The following USPL1 variants were observed in gnomAD, a reference collection of about 807,000 sequenced individuals.
USPL1 encodes the protein SUMO-specific isopeptidase USPL1.
Under a neutral mutation model 51.5 loss-of-function variants are expected in USPL1, and 27 were observed. The ratio of observed to expected loss-of-function variants is 0.52; its 90% CI spans 0.39 to 0.72. The LOEUF (loss-of-function observed/expected upper bound fraction) is 0.72, where lower values mean the gene tolerates loss of function less well. Among genes scored for constraint, USPL1 ranks in the 30% least tolerant of loss-of-function variants. The pLI, the probability that USPL1 is intolerant of heterozygous loss-of-function variation, is 0.00. For synonymous variants in USPL1, 451 were observed against 459.6 expected (o/e 0.98, Z 0.24); for missense variants, 1,226 against 1,268.0 (o/e 0.97, Z 0.50).
intron 8 of USPL1, among the ~76,000 whole-genome samples, chr13:30,656,453 C>A (rs889595745): frequency 6.6e-6 from 1 of 152,168 alleles, no homozygotes; most frequent in Non-Finnish European, 1.5e-5. Context: ...GAAGTGGAAT[C>A]GTACATTATT....
At chr13:30,621,024 A>T in intron 1 of USPL1, 49 bp from the exon 2 acceptor site, 1 of 785,444 alleles carries the variant, frequency 1.3e-6, no homozygotes, top group Non-Finnish European at 2.0e-6. Flanking sequence ...GTTCTTTTTT[A>T]TAGTAAATAG....
intron 3 of USPL1, among the ~76,000 whole-genome samples, chr13:30,624,451 CA>C (rs35898880): frequency 0.015 from 2,143 of 146,244 alleles, 32 homozygotes; most frequent in Middle Eastern, 0.045. Context: ...CTTGTCTCTA[CA>C]AAAAAAAAAA....
At chr13:30,653,574 TTAC>T (rs1452670400) in intron 8 of USPL1, among the ~76,000 whole-genome samples, 4 of 152,194 alleles carry the variant, frequency 2.6e-5, no homozygotes, top group Non-Finnish European at 4.4e-5. Context: ...AAGGATGAGA[TTAC>T]TACTGTTAGC....
chr13:30,626,481 C>G (rs1020810070), intron 3 of USPL1, among the ~76,000 whole-genome samples: 1 of 152,112 alleles, frequency 6.6e-6, no homozygotes, highest in African/African-American at 2.4e-5. Flanking sequence ...CTTTTGCATA[C>G]AACAACAGAG....
intron 2 of USPL1, 32 bp downstream of exon 2, chr13:30,621,271 AG>A: frequency 6.7e-7 from 1 of 1,482,408 alleles, no homozygotes; most frequent in Non-Finnish European, 9.1e-7. Context: ...CTGAGTGCAA[AG>A]TTTTTTTTTT....
rs147328341 is a variant in USPL1, at chr13:30,653,845, A to G, written c.1396+540A>G. On this transcript the variant is annotated intron_variant, in intron 8 of 8. Coordinates refer to ENST00000255304, the MANE Select transcript of USPL1 (RefSeq NM_005800.5). ...AAATATTGAGTTTGTTTTTCTCATA[A>G]TGTTCACTTTGTCTTAGACAAGATA... Among the ~76,000 whole-genome samples, 13 of 152,314 alleles carry G rather than the reference A, an allele frequency of 8.5e-5. No individual in the cohort carries two copies. The East Asian group carries it at 1.5e-3, about 18-fold the overall frequency.
chr13:30,649,868 T>C (rs1005502039), intron 7 of USPL1, among the ~76,000 whole-genome samples: 3 of 152,244 alleles, frequency 2.0e-5, no homozygotes, highest in African/African-American at 7.2e-5. Context: ...CTTAGCCTGA[T>C]GTCTCTTGTT....
intron 4 of USPL1, among the ~76,000 whole-genome samples, chr13:30,632,720 CTT>C (rs1339734667): frequency 2.0e-5 from 3 of 151,948 alleles, no homozygotes; most frequent in Non-Finnish European, 2.9e-5. Context: ...CCTAGGCAGT[CTT>C]TTTCAAAACT....
intron 3 of USPL1, among the ~76,000 whole-genome samples, chr13:30,622,254 C>A (rs1307298820): frequency 6.6e-6 from 1 of 151,816 alleles, no homozygotes; most frequent in Non-Finnish European, 1.5e-5. Context: ...TCTAATGTAC[C>A]TGGAAGAGTA....
intron 4 of USPL1, among the ~76,000 whole-genome samples, chr13:30,632,043 G>A (rs1950813888): frequency 6.6e-6 from 1 of 151,692 alleles, no homozygotes; most frequent in South Asian, 2.1e-4. Flanking sequence ...GTATACGTGT[G>A]CCATGGTGGT....
In USPL1 at chr13:30,659,205, C is replaced by T. The variant is rs2137741099; in HGVS notation, c.3128C>T (p.Thr1043Ile). ...TGTGAAGTTCAGCCAGACTCTCTGA[C>T]AAATAATGCCTGCGTTAGAACATTA... ...NPCEVQPDSL[T>I]NNACVRTLNL... The change falls in exon 9 of 9, where the codon ACA (threonine) becomes ATA (isoleucine). Residue 1043 changes from threonine (T) to isoleucine (I), a missense_variant. Physicochemically the swap from Thr to Ile is moderately conservative, Grantham distance 89. Transcript: ENST00000255304. The T allele has an allele frequency of 1.2e-6, 2 of 1,614,118 alleles. No homozygotes were observed. Among genetic ancestry groups the T allele is most frequent in the Non-Finnish European group, 1.7e-6 (2 of 1,180,020 alleles).
chr13:30,634,670 G>A (rs1022301167), intron 4 of USPL1, among the ~76,000 whole-genome samples: 1 of 152,138 alleles, frequency 6.6e-6, no homozygotes, highest in African/African-American at 2.4e-5. Context: ...ACCATTTGGG[G>A]GGCAAGTCTC....
intron 6 of USPL1, among the ~76,000 whole-genome samples, chr13:30,645,956 C>T (rs1047217337): frequency 6.6e-6 from 1 of 152,174 alleles, no homozygotes; most frequent in African/African-American, 2.4e-5. Flanking sequence ...GAGACAGTCT[C>T]CTTTTTATAA....
At chr13:30,625,009 C>G (rs1391050824) in intron 3 of USPL1, among the ~76,000 whole-genome samples, 1 of 152,148 alleles carries the variant, frequency 6.6e-6, no homozygotes, top group Non-Finnish European at 1.5e-5. Flanking sequence ...ATACTTTATT[C>G]CTGAATAAAT....
intron 7 of USPL1, 105 bp downstream of exon 7, chr13:30,647,162 A>G: frequency 7.9e-7 from 1 of 1,262,028 alleles, no homozygotes; most frequent in Non-Finnish European, 1.1e-6. Context: ...CCTTTCTGAA[A>G]TTTGAGTTAA....
intron 7 of USPL1, among the ~76,000 whole-genome samples, chr13:30,647,893 C>A (rs1346505477): frequency 3.9e-5 from 6 of 152,156 alleles, no homozygotes; most frequent in Non-Finnish European, 8.8e-5. Context: ...GGAAAAAGGG[C>A]AGTAGTCCCC....
At chr13:30,632,822 T>G (rs1485305253) in intron 4 of USPL1, among the ~76,000 whole-genome samples, 1 of 152,116 alleles carries the variant, frequency 6.6e-6, no homozygotes, top group East Asian at 1.9e-4. Context: ...AAGAAGTGAG[T>G]AAAAATCACC....
Position 30,658,869 on chromosome 13 carries a change from A to T in USPL1, c.2792A>T (p.Asp931Val), listed in dbSNP as rs771039418. The change falls in exon 9 of 9, where the codon GAT (aspartate) becomes GTT (valine). Residue 931 changes from aspartate (D) to valine (V), a missense_variant. By Grantham distance (152) the Asp-to-Val change is radical. Coordinates refer to ENST00000255304, the MANE Select transcript of USPL1 (RefSeq NM_005800.5). ...EQVPQDGSPN[D>V]CESIEDLLNE... Reference sequence around the variant, plus strand: ...GTGCCCCAGGATGGGTCTCCAAATGATTGTGAATCAATAGAGGACTTGTTA... The same window carrying T: ...GTGCCCCAGGATGGGTCTCCAAATGTTTGTGAATCAATAGAGGACTTGTTA... The T allele has an allele frequency of 6.2e-7, 1 of 1,614,100 alleles. No homozygotes were observed. Among genetic ancestry groups the T allele is most frequent in the Non-Finnish European group, 8.5e-7 (1 of 1,180,036 alleles).
At chr13:30,621,588 A>C (rs544389758) in intron 2 of USPL1, among the ~76,000 whole-genome samples, 176 bp from the exon 3 acceptor site, 1 of 152,242 alleles carries the variant, frequency 6.6e-6, no homozygotes, top group African/African-American at 2.4e-5. Context: ...TTTTGGAATA[A>C]TAGCTGTATT....
Sources: gnomAD v4.1 joint callset for allele counts (sites outside exome capture counted in the v4.1 genomes callset) on GRCh38, gnomAD v4.1.1 for gene constraint, MANE v1.5 for transcripts, NCBI Gene and HGNC (gene_info 2026-07-23, HGNC 2026-07-21) for gene names.